ANO4: variants seen among roughly 807,000 people sequenced by gnomAD.
ANO4 encodes anoctamin-4.
A neutral mutation model predicts 141.9 loss-of-function variants in ANO4; 69 were observed. The observed-to-expected ratio is 0.49, with a 90% CI of 0.40 to 0.59. The LOEUF (loss-of-function observed/expected upper bound fraction) is 0.59. ANO4 is among the 20% of genes least tolerant of loss of function. The pLI is 0.00. For missense variants in ANO4, 894 were observed against 1,162.2 expected (o/e 0.77, Z 3.36); for synonymous variants, 350 against 394.3 (o/e 0.89, Z 1.33).
intron 2 of ANO4, among the ~76,000 whole-genome samples, chr12:100,739,087 A>G (rs1036167733): frequency 7.1e-6 from 1 of 140,074 alleles, no homozygotes; most frequent in African/African-American, 2.5e-5. Context: ...ATCTTTATGT[A>G]TATATAATTT....
intron 3 of ANO4, among the ~76,000 whole-genome samples, chr12:100,748,936 G>A (rs2032237128): frequency 1.3e-5 from 2 of 152,130 alleles, no homozygotes; most frequent in African/African-American, 4.8e-5. Context: ...TTTATATGGA[G>A]TGTGAATATG....
Position 100,874,800 on chromosome 12 carries a change from G to A in ANO4, c.-140-26846G>A, listed in dbSNP as rs538898977. 8.5e-5 allele frequency among the ~76,000 whole-genome samples: 13 copies of A among 152,222 alleles called. No homozygotes were observed. In the South Asian group the frequency reaches 1.7e-3, roughly 19 times the overall value. ...CTCCCAAAGTTCTGGGATTCCATGC[G>A]TGAGCCACCACACCCAGCCAGGAGT... On this transcript the variant is annotated intron_variant, in intron 1 of 27. Transcript: ENST00000392977.
chr12:100,741,230 T>C (rs1432370738), intron 3 of ANO4, among the ~76,000 whole-genome samples: 1 of 152,214 alleles, frequency 6.6e-6, no homozygotes, highest in African/African-American at 2.4e-5. Context: ...CCAAATCCAA[T>C]GTGTAATTCT....
At chr12:100,718,445 G>C (rs994218481) in intron 1 of ANO4, among the ~76,000 whole-genome samples, 3 of 152,216 alleles carry the variant, frequency 2.0e-5, no homozygotes, top group Non-Finnish European at 4.4e-5. Context: ...AAAGCTGTGA[G>C]CAATTGATGG....
intron 1 of ANO4, among the ~76,000 whole-genome samples, chr12:100,724,902 C>T (rs1301554416): frequency 6.6e-6 from 1 of 152,216 alleles, no homozygotes; most frequent in Non-Finnish European, 1.5e-5. Context: ...TGTACATACA[C>T]AAGTGAACTA....
rs1555266336 is a variant in ANO4 at position 100,975,955 on chromosome 12, A to ATC, written c.602+1066_602+1067insTC. On this transcript the variant is annotated intron_variant, in intron 7 of 27. Transcript: ENST00000392977. ...CCAAAAAAAAAAAAAGAAAAAAAAA[A>ATC]CCCACCAGATGAAGATTGCATCTAC... Among the ~76,000 whole-genome samples the ATC allele has an allele frequency of 9.8e-4, 122 of 124,650 alleles. 3 individuals carry two copies. Among genetic ancestry groups the ATC allele is most frequent in the African/African-American group, 3.6e-3 (119 of 33,242 alleles). 81.8% of individuals were successfully genotyped at this position (124,650 alleles called of 152,430 possible). A position where few individuals can be genotyped will look rare whatever the true frequency, so the allele number is the denominator to read the frequency against.
At chr12:101,116,527 C>G (rs532692076) in intron 24 of ANO4, 152 bp from the exon 25 acceptor site, 1 of 1,082,110 alleles carries the variant, frequency 9.2e-7, no homozygotes, top group African/African-American at 1.6e-5. Context: ...CCAGGGCTTT[C>G]CAGCGTATCC....
rs1342460344 is a variant in ANO4 at position 101,080,895 on chromosome 12, A to AT, written c.1395+1621dup. Among the ~76,000 whole-genome samples the AT allele has an allele frequency of 1.7e-4, 23 of 137,870 alleles. 1 individual carries two copies. The highest frequency in any genetic ancestry group is 7.7e-4 in the Admixed American group (10 of 12,952). The allele number at this position is 137,870 out of a possible 152,430, so 90.4% of individuals were successfully genotyped here. On this transcript the variant is annotated intron_variant, in intron 15 of 27. Coordinates refer to ENST00000392977, the MANE Select transcript of ANO4 (RefSeq NM_001286615.2). ...ATATATATATATATTATATATATAT[A>AT]TATATACATACACATATACATATAT...
chr12:100,836,700 AT>A (rs1223228991), intron 1 of ANO4, among the ~76,000 whole-genome samples: 3 of 152,108 alleles, frequency 2.0e-5, no homozygotes, highest in Non-Finnish European at 4.4e-5. Context: ...TTTTCTTCAA[AT>A]GGAGGAAAAG....
chr12:101,006,643 A>G (rs759206214), intron 8 of ANO4, among the ~76,000 whole-genome samples: 4 of 152,252 alleles, frequency 2.6e-5, no homozygotes, highest in Non-Finnish European at 5.9e-5. Flanking sequence ...ATGATGGACT[A>G]GAGCTCCTTG....
In ANO4 at chr12:101,128,355, C is replaced by A. The variant is rs2051412556; in HGVS notation, c.*499C>A. The A allele has an allele frequency of 6.6e-6, 1 of 152,454 alleles. No homozygotes were observed. Among genetic ancestry groups the A allele is most frequent in the South Asian group, 2.1e-4 (1 of 4,834 alleles). 9.4% of individuals were successfully genotyped at this position (152,454 alleles called of 1,614,324 possible). A position where few individuals can be genotyped will look rare whatever the true frequency, so the allele number is the denominator to read the frequency against. On this transcript the variant is annotated 3_prime_UTR_variant, in exon 28 of 28. Transcript: ENST00000392977. ...TTCTTTCCTTTTTTTTAATTTTAGA[C>A]CTTTCTGAGAAGATTATTATATATG...
At chr12:101,065,911 T>C (rs544306100) in intron 14 of ANO4, among the ~76,000 whole-genome samples, 2 of 152,284 alleles carry the variant, frequency 1.3e-5, no homozygotes, top group Admixed American at 1.3e-4. Flanking sequence ...AGATCATTCA[T>C]TATAACCAGG....
intron 3 of ANO4, among the ~76,000 whole-genome samples, 197 bp from the exon 4 acceptor site, chr12:100,939,118 C>T (rs76118829): frequency 0.021 from 3,236 of 152,186 alleles, 117 homozygotes; most frequent in African/African-American, 0.073. Context: ...CTTAATCTTG[C>T]CTAATGAATA....
chr12:100,784,269 C>A (rs1274014312), intron 3 of ANO4, among the ~76,000 whole-genome samples: 1 of 152,128 alleles, frequency 6.6e-6, no homozygotes, highest in Non-Finnish European at 1.5e-5. Flanking sequence ...CAGAATCCTC[C>A]TACTCTTTCT....
intron 1 of ANO4, among the ~76,000 whole-genome samples, chr12:100,832,215 G>A (rs2036669861): frequency 6.6e-6 from 1 of 152,008 alleles, no homozygotes; most frequent in African/African-American, 2.4e-5. Context: ...ATGAAAGAAC[G>A]CAGATGACTT....
chr12:100,782,189 C>A (rs2033730760), intron 3 of ANO4, among the ~76,000 whole-genome samples: 1 of 152,156 alleles, frequency 6.6e-6, no homozygotes, highest in South Asian at 2.1e-4. Flanking sequence ...TTTCTGTGAC[C>A]CATATGCATC....
intron 3 of ANO4, among the ~76,000 whole-genome samples, chr12:100,742,045 A>G (rs1375300993): frequency 1.3e-5 from 2 of 152,152 alleles, no homozygotes; most frequent in African/African-American, 4.8e-5. Context: ...CACAAACAAA[A>G]GCCTATAATT....
chr12:100,812,805 C>T (rs144883018), intron 1 of ANO4, among the ~76,000 whole-genome samples: 19 of 152,306 alleles, frequency 1.2e-4, no homozygotes, highest in African/African-American at 4.1e-4. Flanking sequence ...TGAAAATCAT[C>T]AAGCTTTGCA....
intron 1 of ANO4, among the ~76,000 whole-genome samples, chr12:100,866,083 G>C (rs1476630676): frequency 6.6e-6 from 1 of 152,186 alleles, no homozygotes; most frequent in African/African-American, 2.4e-5. Context: ...CTAGAGTGGA[G>C]GGCAGGGTTG....
Sources: gnomAD v4.1 joint callset for allele counts (sites outside exome capture counted in the v4.1 genomes callset) on GRCh38, gnomAD v4.1.1 for gene constraint, MANE v1.5 for transcripts, NCBI Gene and HGNC (gene_info 2026-07-23, HGNC 2026-07-21) for gene names.